Variants in BRAF observed in about 807,000 individuals in gnomAD.
The protein encoded by BRAF is serine/threonine-protein kinase B-raf.
Under a neutral mutation model 104.6 loss-of-function variants are expected in BRAF, and 16 were observed. That is an observed-to-expected ratio of 0.15 (90% CI 0.10 to 0.23). BRAF has a LOEUF of 0.23. Ranked by LOEUF, BRAF falls within the 10% of genes least tolerant of loss-of-function variation. The pLI is 1.00. For synonymous variants in BRAF, 310 were observed against 341.6 expected (o/e 0.91, Z 1.02); for missense variants, 541 against 937.3 (o/e 0.58, Z 5.52).
intron 14 of BRAF, among the ~76,000 whole-genome samples, chr7:140,769,891 T>C (rs1370792055): frequency 6.6e-6 from 1 of 152,186 alleles, no homozygotes; most frequent in Admixed American, 6.5e-5. Context: ...TTCACTATTA[T>C]ATTGTTTCCT....
At position 140,722,514 on chromosome 7, in the gene BRAF, T is replaced by C. The variant is rs1795369433; in HGVS notation, c.*3980A>G. The C allele has an allele frequency of 4.7e-6, 5 of 1,056,828 alleles. No individual in the cohort carries two copies. Among genetic ancestry groups the C allele is most frequent in the Non-Finnish European group, 5.7e-6 (5 of 874,000 alleles). The allele number at this position is 1,056,828 out of a possible 1,614,324, so 65.5% of individuals were successfully genotyped here. On this transcript the variant is annotated 3_prime_UTR_variant, in exon 20 of 20. Coordinates refer to ENST00000644969, the MANE Select transcript of BRAF (RefSeq NM_001374258.1). ...TTTCAACTCATGACCTGTAAGCTAT[T>C]TGCTGTTCATACTCACAGTAAACCT...
intron 11 of BRAF, among the ~76,000 whole-genome samples, chr7:140,782,122 A>G (rs1800938779): frequency 6.6e-6 from 1 of 151,984 alleles, no homozygotes; most frequent in South Asian, 2.1e-4. Flanking sequence ...AAGTGTTCTC[A>G]CTGTTCAATT....
At chr7:140,799,755 C>G (rs139364539) in intron 7 of BRAF, 1 of 236,534 alleles carries the variant, frequency 4.2e-6, no homozygotes, top group Non-Finnish European at 8.3e-6. Flanking sequence ...TCACATACTT[C>G]AATATACTCC....
At chr7:140,834,258 G>T (rs890412701) in intron 3 of BRAF, 43 of 394,244 alleles carry the variant, frequency 1.1e-4, no homozygotes, top group African/African-American at 8.5e-4. Context: ...ACTCAGAAAG[G>T]AGATTTCTCA....
chr7:140,866,845 G>A (rs982511356), intron 1 of BRAF, among the ~76,000 whole-genome samples: 1 of 151,694 alleles, frequency 6.6e-6, no homozygotes, highest in Non-Finnish European at 1.5e-5. Context: ...GTACTTTTTC[G>A]TAAACCCTGA....
intron 12 of BRAF, chr7:140,780,063 A>G (rs900490891): frequency 2.0e-5 from 3 of 152,204 alleles, no homozygotes; most frequent in Non-Finnish European, 4.4e-5. Context: ...TGTTTGTATC[A>G]TAAAATACTG....
chr7:140,789,684 A>G (rs886546007), intron 8 of BRAF, among the ~76,000 whole-genome samples: 2 of 152,224 alleles, frequency 1.3e-5, no homozygotes, highest in Non-Finnish European at 2.9e-5. Flanking sequence ...GAATATAATA[A>G]AAGAGATGCC....
At chr7:140,902,445 G>T (rs1377180234) in intron 1 of BRAF, among the ~76,000 whole-genome samples, 1 of 152,142 alleles carries the variant, frequency 6.6e-6, no homozygotes, top group Non-Finnish European at 1.5e-5. Flanking sequence ...ACCCTACAAT[G>T]ACTTCTAAGT....
At chr7:140,855,878 G>C (rs964377831) in intron 1 of BRAF, among the ~76,000 whole-genome samples, 1 of 151,260 alleles carries the variant, frequency 6.6e-6, no homozygotes, top group African/African-American at 2.4e-5. Flanking sequence ...AAATTAGCTA[G>C]GTGTGGGTGC....
chr7:140,869,930 C>T (rs1487364786), intron 1 of BRAF, among the ~76,000 whole-genome samples: 1 of 151,814 alleles, frequency 6.6e-6, no homozygotes, highest in Admixed American at 6.6e-5. Context: ...GTAACTTTCA[C>T]TGAAACTTGG....
rs183478134 is a variant in BRAF, at chr7:140,864,386, G to A, written c.139-14174C>T. Among the ~76,000 whole-genome samples, 20 of 152,280 alleles carry A rather than the reference G, an allele frequency of 1.3e-4. No homozygotes were observed. The East Asian group carries it at 3.9e-3, about 29-fold the overall frequency. On this transcript the variant is annotated intron_variant, in intron 1 of 19. Coordinates refer to ENST00000644969, the MANE Select transcript of BRAF (RefSeq NM_001374258.1). ...CAACGGGTGGACAGTGATGCCATGAGGGAGAGAAATCAAGCATTATGTCAC... is the reference window on the plus strand; with the variant it reads ...CAACGGGTGGACAGTGATGCCATGAAGGAGAGAAATCAAGCATTATGTCAC...
intron 1 of BRAF, among the ~76,000 whole-genome samples, chr7:140,897,271 T>C (rs1484129290): frequency 7.9e-5 from 12 of 152,040 alleles, no homozygotes; most frequent in Non-Finnish European, 1.6e-4. Flanking sequence ...AATCGGTCCA[T>C]GGGAATCTGG....
chr7:140,770,097 T>C (rs190939574), intron 14 of BRAF, among the ~76,000 whole-genome samples: 35 of 152,340 alleles, frequency 2.3e-4, no homozygotes, highest in African/African-American at 8.2e-4. Flanking sequence ...ATTTTGCCAA[T>C]TCCAGTGGGT....
intron 5 of BRAF, among the ~76,000 whole-genome samples, chr7:140,804,059 T>C (rs2129045882): frequency 6.6e-6 from 1 of 152,118 alleles, no homozygotes; most frequent in Middle Eastern, 3.4e-3. Context: ...CTAACGTTTG[T>C]ATTTTTTGGT....
chr7:140,754,700 T>A (rs1323149437), intron 14 of BRAF, among the ~76,000 whole-genome samples: 3 of 152,216 alleles, frequency 2.0e-5, no homozygotes, highest in Non-Finnish European at 4.4e-5. Context: ...CTAACCGAAC[T>A]GAAAGTGCTC....
chr7:140,763,182 G>A (rs958142528), intron 14 of BRAF, among the ~76,000 whole-genome samples: 12 of 152,246 alleles, frequency 7.9e-5, no homozygotes, highest in Middle Eastern at 3.4e-3. Context: ...CAGTAGGGGC[G>A]GCCGGGGAGA....
chr7:140,897,652 G>A (rs374818308), intron 1 of BRAF, among the ~76,000 whole-genome samples: 6 of 151,192 alleles, frequency 4.0e-5, no homozygotes, highest in Non-Finnish European at 7.4e-5. Context: ...ACACCACCAC[G>A]TCCAGCTAAT....
chr7:140,777,136 G>C, intron 13 of BRAF, 48 bp from the exon 13 acceptor site: 1 of 1,592,468 alleles, frequency 6.3e-7, no homozygotes, highest in Non-Finnish European at 8.6e-7. Flanking sequence ...ACAAACTTTA[G>C]CAATTCTTAC....
At chr7:140,754,863 TC>T (rs1459712812) in intron 14 of BRAF, among the ~76,000 whole-genome samples, 1 of 152,222 alleles carries the variant, frequency 6.6e-6, no homozygotes, top group Admixed American at 6.5e-5. Flanking sequence ...TGTCATATAT[TC>T]TTAAAATATT....
Sources: allele counts gnomAD v4.1 joint callset (sites outside exome capture counted in the v4.1 genomes callset), GRCh38; gene constraint gnomAD v4.1.1; transcripts MANE v1.5; gene names NCBI Gene and HGNC (gene_info 2026-07-23, HGNC 2026-07-21).